Variants in ATXN1 observed in about 807,000 individuals in gnomAD.
ATXN1 encodes ataxin-1.
ATXN1 carries 8 observed loss-of-function variants against 56.4 expected under a neutral mutation model. That is an observed-to-expected ratio of 0.14 (90% CI 0.08 to 0.26). The LOEUF (loss-of-function observed/expected upper bound fraction) is 0.26. ATXN1 is among the 10% of genes least tolerant of loss of function. The probability of loss-of-function intolerance (pLI) is 1.00; values close to 1 mark genes in which losing one functional copy is unlikely to be tolerated. For missense variants in ATXN1, 987 were observed against 1,106.5 expected, an observed-to-expected ratio of 0.89 and a Z score of 1.53; for synonymous variants, 514 against 494.6, an observed-to-expected ratio of 1.04 and a Z score of -0.52.
chr6:16,572,105 TGTTG>T (rs1762343227), intron 4 of ATXN1, among the ~76,000 whole-genome samples: 3 of 152,204 alleles, frequency 2.0e-5, no homozygotes, highest in African/African-American at 7.2e-5. Flanking sequence ...TAAGTCTACA[TGTTG>T]TAAAGGTGAT....
chr6:16,382,396 G>C (rs764192142), intron 6 of ATXN1, among the ~76,000 whole-genome samples: 4 of 152,036 alleles, frequency 2.6e-5, no homozygotes, highest in Admixed American at 2.6e-4. Context: ...CCAGAAGTTT[G>C]AGGATGCAGT....
chr6:16,731,314 A>T (rs1334121794), intron 2 of ATXN1, among the ~76,000 whole-genome samples: 1 of 152,110 alleles, frequency 6.6e-6, no homozygotes, highest in East Asian at 1.9e-4. Context: ...AGATTCTGGG[A>T]GTGCAAGATG....
chr6:16,521,530 C>A (rs1561737642), intron 5 of ATXN1, among the ~76,000 whole-genome samples: 1 of 152,200 alleles, frequency 6.6e-6, no homozygotes, highest in Non-Finnish European at 1.5e-5. Context: ...TGCACTCCAG[C>A]CTGGGCGACA....
intron 4 of ATXN1, among the ~76,000 whole-genome samples, chr6:16,573,523 T>A (rs1581853775): frequency 6.6e-6 from 1 of 152,126 alleles, no homozygotes; most frequent in Non-Finnish European, 1.5e-5. Context: ...CCACCCTACA[T>A]ACATTGTCAC....
chr6:16,307,239 C>T (rs944230530), intron 7 of ATXN1, among the ~76,000 whole-genome samples: 4 of 152,204 alleles, frequency 2.6e-5, no homozygotes, highest in African/African-American at 4.8e-5. Flanking sequence ...ACAAGCCCAG[C>T]GCGGTCTTAG....
rs543576848 is a variant in ATXN1, at chr6:16,649,920, G to A, written c.-489+7856C>T. ...GAGCAGAAAATTGCAATATAATAGC[G>A]GTAACACAGCAAGAGGATAATTTCT... On this transcript the variant is annotated intron_variant, in intron 3 of 7. Coordinates refer to ENST00000436367, the MANE Select transcript of ATXN1 (RefSeq NM_001128164.2). 4.6e-5 allele frequency among the ~76,000 whole-genome samples: 7 copies of A among 151,780 alleles called. No individual in the cohort carries two copies. In the South Asian group the frequency reaches 6.2e-4, roughly 14 times the overall value.
chr6:16,608,400 ATCT>A (rs1364898982), intron 3 of ATXN1, among the ~76,000 whole-genome samples: 3 of 152,188 alleles, frequency 2.0e-5, no homozygotes, highest in African/African-American at 7.2e-5. Context: ...CTTGATTTCT[ATCT>A]TCTTAATTTT....
intron 4 of ATXN1, among the ~76,000 whole-genome samples, chr6:16,544,007 G>A (rs530478593): frequency 6.6e-6 from 1 of 152,268 alleles, no homozygotes; most frequent in East Asian, 1.9e-4. Flanking sequence ...ATGATGAGAG[G>A]AACATCAGGG....
intron 5 of ATXN1, among the ~76,000 whole-genome samples, chr6:16,513,388 G>A (rs1478592224): frequency 6.6e-6 from 1 of 152,124 alleles, no homozygotes; most frequent in East Asian, 1.9e-4. Context: ...AAGTCTCTAG[G>A]ACTAGCAAGA....
chr6:16,347,315 T>TA (rs1214749682), intron 6 of ATXN1, among the ~76,000 whole-genome samples: 1 of 152,258 alleles, frequency 6.6e-6, no homozygotes, highest in Non-Finnish European at 1.5e-5. Flanking sequence ...GGTGGGGCCT[T>TA]GGAGAACCTT....
chr6:16,682,478 T>C (rs934828184), intron 2 of ATXN1, among the ~76,000 whole-genome samples: 1 of 152,172 alleles, frequency 6.6e-6, no homozygotes, highest in East Asian at 1.9e-4. Context: ...ATTACAGGTG[T>C]GAGCCACCGC....
At chr6:16,343,892 GC>G (rs1761315090) in intron 6 of ATXN1, among the ~76,000 whole-genome samples, 1 of 152,180 alleles carries the variant, frequency 6.6e-6, no homozygotes, top group African/African-American at 2.4e-5. Flanking sequence ...CCTGCTGCAG[GC>G]CTCTGGGTAT....
chr6:16,537,367 C>G lies in ATXN1; in HGVS notation c.-360-14679G>C, dbSNP rs577000348. On this transcript the variant is annotated intron_variant, in intron 4 of 7. Coordinates refer to ENST00000436367, the MANE Select transcript of ATXN1 (RefSeq NM_001128164.2). Reference sequence around the variant, plus strand: ...ACCGACAGGGAGAGCCAACTCTGCTCACCCTCCGAGAAGGACTCTAGTGCA... The same window carrying G: ...ACCGACAGGGAGAGCCAACTCTGCTGACCCTCCGAGAAGGACTCTAGTGCA... Among the ~76,000 whole-genome samples the G allele has an allele frequency of 6.7e-4, 102 of 152,240 alleles. No homozygotes were observed. In the South Asian group the frequency reaches 0.013, roughly 20 times the overall value.
At chr6:16,534,040 C>T (rs934112556) in intron 4 of ATXN1, among the ~76,000 whole-genome samples, 9 of 151,994 alleles carry the variant, frequency 5.9e-5, no homozygotes, top group Non-Finnish European at 8.8e-5. Context: ...TCAGAAGATA[C>T]CTCCAAGCCA....
At chr6:16,533,423 A>G (rs1368257302) in intron 4 of ATXN1, among the ~76,000 whole-genome samples, 1 of 152,164 alleles carries the variant, frequency 6.6e-6, no homozygotes, top group Non-Finnish European at 1.5e-5. Context: ...AATCACTTGG[A>G]CTAAAAAAGA....
intron 2 of ATXN1, among the ~76,000 whole-genome samples, chr6:16,750,296 A>C (rs1760671062): frequency 6.6e-6 from 1 of 152,258 alleles, no homozygotes; most frequent in Non-Finnish European, 1.5e-5. Context: ...TTTTAAAAAA[A>C]TTCACAATGA....
Position 16,505,699 on chromosome 6 carries a change from G to A in ATXN1, c.-299+16928C>T, listed in dbSNP as rs373076472. ...GGAAATATTGTACCATCACTGACCC[G>A]TGTACACGGTTATGAGGCTCCGATA... On this transcript the variant is annotated intron_variant, in intron 5 of 7. Coordinates refer to ENST00000436367, the MANE Select transcript of ATXN1 (RefSeq NM_001128164.2). Among the ~76,000 whole-genome samples the A allele has an allele frequency of 1.1e-4, 17 of 152,266 alleles. No individual in the cohort carries two copies. The East Asian group carries it at 2.5e-3, about 22-fold the overall frequency.
At chr6:16,346,627 T>C (rs1011470745) in intron 6 of ATXN1, among the ~76,000 whole-genome samples, 2 of 152,226 alleles carry the variant, frequency 1.3e-5, no homozygotes, top group African/African-American at 2.4e-5. Context: ...CTCGTGACTT[T>C]AGGAAAGTCT....
chr6:16,472,921 C>T (rs1213277632), intron 6 of ATXN1, among the ~76,000 whole-genome samples: 1 of 152,192 alleles, frequency 6.6e-6, no homozygotes, highest in East Asian at 1.9e-4. Context: ...GAGAAAAGGT[C>T]AGAATCTGAG....
Sources: gnomAD v4.1 joint callset for allele counts (sites outside exome capture counted in the v4.1 genomes callset) on GRCh38, gnomAD v4.1.1 for gene constraint, MANE v1.5 for transcripts, NCBI Gene and HGNC (gene_info 2026-07-23, HGNC 2026-07-21) for gene names.